Variants in RBFOX1 observed in about 807,000 individuals in gnomAD.
RBFOX1 encodes RNA binding protein fox-1 homolog 1.
A neutral mutation model predicts 57.7 loss-of-function variants in RBFOX1; 8 were observed. The observed-to-expected ratio is 0.14, with a 90% CI of 0.08 to 0.25. RBFOX1 has a LOEUF of 0.25. Among genes scored for constraint, RBFOX1 ranks in the 10% least tolerant of loss-of-function variants. RBFOX1 has a pLI of 1.00. For missense variants in RBFOX1, 611 were observed against 548.5 expected (o/e 1.11, Z -1.14); for synonymous variants, 326 against 222.4 (o/e 1.47, Z -4.15).
intron 4 of RBFOX1, among the ~76,000 whole-genome samples, chr16:7,200,465 C>T (rs569280816): frequency 6.6e-6 from 1 of 152,178 alleles, no homozygotes; most frequent in Non-Finnish European, 1.5e-5. Flanking sequence ...TATGGTGTGC[C>T]TGTCAGACAC....
At chr16:7,077,896 TTG>T (rs2058554202) in intron 4 of RBFOX1, among the ~76,000 whole-genome samples, 1 of 152,172 alleles carries the variant, frequency 6.6e-6, no homozygotes, top group East Asian at 1.9e-4. Flanking sequence ...CAACTTGAGA[TTG>T]TGCTTTTATT....
intron 6 of RBFOX1, among the ~76,000 whole-genome samples, chr16:7,584,274 G>A (rs534175675): frequency 2.5e-4 from 38 of 152,244 alleles, no homozygotes; most frequent in African/African-American, 8.7e-4. Flanking sequence ...AAGTGTGTGT[G>A]CCTGTAAGCT....
chr16:5,820,242 C>T (rs1231725711), intron 3 of RBFOX1, among the ~76,000 whole-genome samples: 1 of 152,346 alleles, frequency 6.6e-6, no homozygotes, highest in East Asian at 1.9e-4. Context: ...AAAGTTCATT[C>T]TCTTAACCGC....
chr16:7,598,680 T>C (rs557585192), intron 9 of RBFOX1, among the ~76,000 whole-genome samples: 137 of 152,326 alleles, frequency 9.0e-4, no homozygotes, highest in African/African-American at 3.2e-3. Flanking sequence ...ATAGTATTCA[T>C]AGTGTTGTAT....
intron 1 of RBFOX1, among the ~76,000 whole-genome samples, chr16:6,281,836 C>G (rs1008089856): frequency 2.6e-5 from 4 of 152,042 alleles, no homozygotes; most frequent in Non-Finnish European, 5.9e-5. Context: ...GTAACTTGCC[C>G]AAAATCCCGC....
At chr16:5,386,286 C>T (rs909132047) in intron 1 of RBFOX1, among the ~76,000 whole-genome samples, 3 of 151,956 alleles carry the variant, frequency 2.0e-5, no homozygotes, top group African/African-American at 7.3e-5. Flanking sequence ...TGGGACTGGG[C>T]TTCTCTTCTG....
intron 3 of RBFOX1, among the ~76,000 whole-genome samples, chr16:6,827,462 G>C (rs930951237): frequency 1.3e-5 from 2 of 152,194 alleles, no homozygotes; most frequent in African/African-American, 2.4e-5. Flanking sequence ...TATGATGACA[G>C]CTGGTGACTT....
intron 2 of RBFOX1, among the ~76,000 whole-genome samples, chr16:5,518,935 G>C (rs1054909165): frequency 1.3e-5 from 2 of 152,166 alleles, no homozygotes; most frequent in African/African-American, 4.8e-5. Flanking sequence ...ACTGTATTTG[G>C]AGATAAGACC....
At chr16:5,264,802 G>T (rs1012631724) in intron 1 of RBFOX1, among the ~76,000 whole-genome samples, 3 of 152,098 alleles carry the variant, frequency 2.0e-5, no homozygotes, top group African/African-American at 7.2e-5. Context: ...TCTGTTCCCT[G>T]CTTGGTGATA....
At chr16:6,413,395 C>T (rs1376667000) in intron 2 of RBFOX1, among the ~76,000 whole-genome samples, 1 of 151,796 alleles carries the variant, frequency 6.6e-6, no homozygotes, top group Non-Finnish European at 1.5e-5. Flanking sequence ...AACCCCTGGG[C>T]TCAAGCAGTC....
intron 3 of RBFOX1, among the ~76,000 whole-genome samples, chr16:6,951,219 C>G (rs1165936517): frequency 6.6e-6 from 1 of 151,904 alleles, no homozygotes; most frequent in Non-Finnish European, 1.5e-5. Flanking sequence ...ACTTTTTTTT[C>G]TTAACCAGTT....
intron 2 of RBFOX1, among the ~76,000 whole-genome samples, chr16:6,403,740 G>A (rs978067508): frequency 2.2e-4 from 34 of 152,084 alleles, no homozygotes; most frequent in African/African-American, 7.5e-4. Flanking sequence ...GACTGTGGAG[G>A]CATCGAGCCC....
At chr16:6,732,083 C>G (rs955982972) in intron 3 of RBFOX1, among the ~76,000 whole-genome samples, 1 of 152,108 alleles carries the variant, frequency 6.6e-6, no homozygotes, top group Non-Finnish European at 1.5e-5. Flanking sequence ...TTTAACCTTT[C>G]CTTCATTTCT....
intron 3 of RBFOX1, chr16:7,003,866 G>A (rs1054811410): frequency 4.6e-5 from 7 of 152,074 alleles, no homozygotes; most frequent in African/African-American, 1.4e-4. Flanking sequence ...GTTTTCAGAT[G>A]ATTGGTTATT....
chr16:6,466,436 C>T (rs1302105274), intron 2 of RBFOX1, among the ~76,000 whole-genome samples: 1 of 151,976 alleles, frequency 6.6e-6, no homozygotes, highest in Admixed American at 6.6e-5. Flanking sequence ...CTATTAAACC[C>T]ATTTTAGAGG....
Position 7,409,606 on chromosome 16 carries a change from G to A in RBFOX1, c.28-108541G>A, listed in dbSNP as rs1043237901. On this transcript the variant is annotated intron_variant, in intron 4 of 15. Transcript: ENST00000550418. ...TGTGTGCGTAATACATATTACGTTC[G>A]TTTGGATGGTCTTAATAAGGAGCCA... 5.3e-5 allele frequency among the ~76,000 whole-genome samples: 8 copies of A among 152,120 alleles called. 1 individual carries two copies. Among genetic ancestry groups the A allele is most frequent in the South Asian group, 4.1e-4 (2 of 4,824 alleles).
At chr16:7,267,656 A>T (rs1283149275) in intron 4 of RBFOX1, among the ~76,000 whole-genome samples, 1 of 152,026 alleles carries the variant, frequency 6.6e-6, no homozygotes, top group Non-Finnish European at 1.5e-5. Context: ...GGAGTTCGAG[A>T]CCAGCCTGGC....
intron 4 of RBFOX1, among the ~76,000 whole-genome samples, chr16:7,457,351 T>A (rs1216191721): frequency 1.3e-5 from 2 of 152,234 alleles, no homozygotes; most frequent in East Asian, 3.9e-4. Context: ...GACCCAGTTC[T>A]GAATTCCAGA....
chr16:7,103,969 C>T (rs2063136690), intron 4 of RBFOX1, among the ~76,000 whole-genome samples: 2 of 152,144 alleles, frequency 1.3e-5, no homozygotes, highest in South Asian at 2.1e-4. Context: ...CGTTGGTTTA[C>T]ACAACTTGCT....
Sources: allele counts gnomAD v4.1 joint callset (sites outside exome capture counted in the v4.1 genomes callset), GRCh38; gene constraint gnomAD v4.1.1; transcripts MANE v1.5; gene names NCBI Gene and HGNC (gene_info 2026-07-23, HGNC 2026-07-21).